CDH12: variants seen among roughly 807,000 people sequenced by gnomAD.
CDH12 encodes the protein cadherin 12, also known as cadherin-12.
CDH12 carries 41 observed loss-of-function variants against 74.1 expected under a neutral mutation model. That is an observed-to-expected ratio of 0.55 (90% CI 0.43 to 0.72). The LOEUF (loss-of-function observed/expected upper bound fraction) is 0.72. Ranked by LOEUF, CDH12 falls within the 30% of genes least tolerant of loss-of-function variation. CDH12 has a pLI of 0.00. For missense variants in CDH12, 945 were observed against 977.2 expected (o/e 0.97, Z 0.44); for synonymous variants, 399 against 355.0 (o/e 1.12, Z -1.39).
intron 6 of CDH12, among the ~76,000 whole-genome samples, chr5:21,879,396 A>G (rs1293139837): frequency 6.6e-6 from 1 of 152,220 alleles, no homozygotes; most frequent in Non-Finnish European, 1.5e-5. Flanking sequence ...CAGTGAACTT[A>G]ACCTAGTGCC....
intron 2 of CDH12, among the ~76,000 whole-genome samples, chr5:22,424,969 C>A: frequency 6.7e-6 from 1 of 150,198 alleles, no homozygotes; most frequent in Non-Finnish European, 1.5e-5. Flanking sequence ...ATAGTTATAT[C>A]AAGAAAATTA....
intron 2 of CDH12, among the ~76,000 whole-genome samples, chr5:22,452,597 A>T (rs1745086566): frequency 6.6e-6 from 1 of 151,950 alleles, no homozygotes; most frequent in Non-Finnish European, 1.5e-5. Flanking sequence ...TTTAAATTTA[A>T]GATCCAAAAC....
chr5:22,119,321 T>G (rs1258225877), intron 4 of CDH12, among the ~76,000 whole-genome samples: 1 of 146,924 alleles, frequency 6.8e-6, no homozygotes, highest in Admixed American at 7.0e-5. Flanking sequence ...GATGGAGTCT[T>G]GATGTGTTGC....
At chr5:22,718,968 G>C (rs1743732808) in intron 1 of CDH12, among the ~76,000 whole-genome samples, 1 of 152,136 alleles carries the variant, frequency 6.6e-6, no homozygotes, top group Admixed American at 6.5e-5. Context: ...TCATAAAACT[G>C]TAATTGTAAA....
chr5:22,844,141 A>G (rs1737199759), intron 1 of CDH12, among the ~76,000 whole-genome samples: 1 of 152,112 alleles, frequency 6.6e-6, no homozygotes, highest in African/African-American at 2.4e-5. Flanking sequence ...AGCAGCTGTT[A>G]TTCTCACAAG....
rs1022985420 is a variant in CDH12 at position 21,826,794 on chromosome 5, C to T, written c.815-9662G>A. On this transcript the variant is annotated intron_variant, in intron 8 of 14. Coordinates refer to ENST00000382254, the MANE Select transcript of CDH12 (RefSeq NM_004061.5). ...TGCTTTCTATTTTCCAGGCACTTTT[C>T]TAAGCACGTTTCCATTATTAACTAA... Among the ~76,000 whole-genome samples, 5 of 152,246 alleles carry T rather than the reference C, an allele frequency of 3.3e-5. 1 individual carries two copies. Among genetic ancestry groups the T allele is most frequent in the Admixed American group, 3.3e-4 (5 of 15,292 alleles).
intron 4 of CDH12, among the ~76,000 whole-genome samples, chr5:22,149,637 A>G (rs919867102): frequency 3.3e-5 from 5 of 152,198 alleles, no homozygotes; most frequent in Non-Finnish European, 7.3e-5. Context: ...TACATGAATG[A>G]TCTAATCTCC....
chr5:22,726,761 G>A (rs1346307527), intron 1 of CDH12, among the ~76,000 whole-genome samples: 1 of 151,762 alleles, frequency 6.6e-6, no homozygotes, highest in East Asian at 1.9e-4. Context: ...TGAAAAGCCT[G>A]AGTATTCTTA....
intron 8 of CDH12, among the ~76,000 whole-genome samples, chr5:21,823,198 C>T (rs76897931): frequency 5.4e-4 from 82 of 152,126 alleles, no homozygotes; most frequent in African/African-American, 1.2e-3. Context: ...AAAACACCAG[C>T]GCTCTAAAGG....
At chr5:22,793,535 C>A (rs1748029634) in intron 1 of CDH12, among the ~76,000 whole-genome samples, 1 of 152,176 alleles carries the variant, frequency 6.6e-6, no homozygotes, top group African/African-American at 2.4e-5. Context: ...TGAATCCATA[C>A]ATTTTATCAT....
chr5:22,624,825 A>T (rs1320776222), intron 1 of CDH12, among the ~76,000 whole-genome samples: 1 of 152,204 alleles, frequency 6.6e-6, no homozygotes, highest in Non-Finnish European at 1.5e-5. Flanking sequence ...TACCCAAAGG[A>T]TTATAAATCA....
intron 5 of CDH12, among the ~76,000 whole-genome samples, chr5:22,035,327 C>T (rs1739093032): frequency 6.6e-6 from 1 of 151,822 alleles, no homozygotes; most frequent in African/African-American, 2.4e-5. Context: ...GGGAAAAATT[C>T]AATTTATATA....
chr5:21,792,939 T>A (rs908256094), intron 10 of CDH12, among the ~76,000 whole-genome samples: 1 of 151,798 alleles, frequency 6.6e-6, no homozygotes, highest in Non-Finnish European at 1.5e-5. Context: ...AAATGCAGAC[T>A]GTAATACCTG....
At chr5:22,242,427 A>C (rs556043245) in intron 3 of CDH12, among the ~76,000 whole-genome samples, 9 of 152,324 alleles carry the variant, frequency 5.9e-5, no homozygotes, top group East Asian at 1.9e-4. Flanking sequence ...AGGAATAATA[A>C]ATTTCAGATA....
intron 3 of CDH12, among the ~76,000 whole-genome samples, chr5:22,257,154 C>A (rs550289651): frequency 5.3e-5 from 8 of 152,150 alleles, no homozygotes; most frequent in African/African-American, 1.9e-4. Context: ...GAAGAACAAT[C>A]CACACTGGGG....
intron 3 of CDH12, among the ~76,000 whole-genome samples, chr5:22,379,035 T>A (rs1462991631): frequency 6.6e-6 from 1 of 152,136 alleles, no homozygotes; most frequent in Non-Finnish European, 1.5e-5. Flanking sequence ...TACTTAACAT[T>A]ATAATAGAAA....
intron 2 of CDH12, among the ~76,000 whole-genome samples, chr5:22,431,835 C>T (rs550232220): frequency 2.4e-4 from 37 of 152,112 alleles, no homozygotes; most frequent in African/African-American, 8.4e-4. Flanking sequence ...TGCAGCTGCA[C>T]AACATGTTTG....
intron 2 of CDH12, among the ~76,000 whole-genome samples, chr5:22,477,290 A>G (rs1239903316): frequency 6.6e-6 from 1 of 151,970 alleles, no homozygotes; most frequent in African/African-American, 2.4e-5. Flanking sequence ...CTTCCCCTCT[A>G]TATGTTCTCA....
At chr5:21,977,082 C>G (rs1009969174) in intron 5 of CDH12, among the ~76,000 whole-genome samples, 1 of 151,802 alleles carries the variant, frequency 6.6e-6, no homozygotes, top group African/African-American at 2.4e-5. Flanking sequence ...AATATTTGTT[C>G]TAAAAGTGTT....
Sources: allele counts gnomAD v4.1 joint callset (sites outside exome capture counted in the v4.1 genomes callset), GRCh38; gene constraint gnomAD v4.1.1; transcripts MANE v1.5; gene names NCBI Gene and HGNC (gene_info 2026-07-23, HGNC 2026-07-21).